APBB2: variants seen among roughly 807,000 people sequenced by gnomAD.
The protein encoded by APBB2 is Fe65-like 1.
In APBB2, 38 loss-of-function variants were observed where a neutral mutation model predicts 82.5. That is an observed-to-expected ratio of 0.46 (90% CI 0.36 to 0.60). The LOEUF (loss-of-function observed/expected upper bound fraction) is 0.60, where lower values mean the gene tolerates loss of function less well. Ranked by LOEUF, APBB2 falls within the 20% of genes least tolerant of loss-of-function variation. The pLI, the probability that APBB2 is intolerant of heterozygous loss-of-function variation, is 0.00. For missense variants in APBB2, 772 were observed against 972.3 expected, an observed-to-expected ratio of 0.79 and a Z score of 2.74; for synonymous variants, 341 against 368.2, an observed-to-expected ratio of 0.93 and a Z score of 0.85.
At position 40,960,447 on chromosome 4, in the gene APBB2, G is replaced by GTTT. The variant is rs34445427; in HGVS notation, c.836-15377_836-15375dup. ...ATCAAAAACAGAAATTTTTTTTCGG[G>GTTT]TTTTTTTTTTTTTTTTTTGAGACGG... On this transcript the variant is annotated intron_variant, in intron 6 of 17. Transcript: ENST00000508593. Among the ~76,000 whole-genome samples the GTTT allele has an allele frequency of 3.2e-4, 45 of 138,980 alleles. 2 individuals carry two copies. The highest frequency in any genetic ancestry group is 1.0e-3 in the African/African-American group (40 of 38,218). 91.2% of individuals were successfully genotyped at this position (138,980 alleles called of 152,430 possible).
intron 3 of APBB2, among the ~76,000 whole-genome samples, chr4:41,086,034 G>T (rs140753045): frequency 6.6e-6 from 1 of 152,190 alleles, no homozygotes; most frequent in Non-Finnish European, 1.5e-5. Flanking sequence ...CAATCAAAAG[G>T]ATTATAGGAG....
At chr4:41,190,241 ATTTTTTTTTTTTTT>A (rs1160837303) in intron 1 of APBB2, among the ~76,000 whole-genome samples, 2 of 71,810 alleles carry the variant, frequency 2.8e-5, no homozygotes, top group African/African-American at 1.1e-4. Context: ...TACATAGGCT[ATTTTTTTTTTTTTT>A]TTTTTTTTTT....
chr4:40,949,650 G>T (rs1025990794), intron 6 of APBB2, among the ~76,000 whole-genome samples: 1 of 152,004 alleles, frequency 6.6e-6, no homozygotes, highest in African/African-American at 2.4e-5. Context: ...AACACCAGGC[G>T]ATTTGAGGAG....
At chr4:40,853,425 G>A (rs1170767153) in intron 12 of APBB2, among the ~76,000 whole-genome samples, 3 of 151,418 alleles carry the variant, frequency 2.0e-5, no homozygotes, top group Non-Finnish European at 2.9e-5. Flanking sequence ...CCTCAGGCAC[G>A]TTGAGTGCTC....
intron 4 of APBB2, among the ~76,000 whole-genome samples, chr4:41,055,811 G>A (rs1241734857): frequency 6.6e-6 from 1 of 152,226 alleles, no homozygotes; most frequent in Non-Finnish European, 1.5e-5. Context: ...TTGCATCTAT[G>A]TAACAGAGTT....
intron 2 of APBB2, among the ~76,000 whole-genome samples, chr4:41,136,981 C>T (rs930906454): frequency 1.3e-5 from 2 of 152,122 alleles, no homozygotes; most frequent in Admixed American, 6.6e-5. Context: ...GCAATCTTCA[C>T]ATTTCTAATA....
intron 1 of APBB2, among the ~76,000 whole-genome samples, chr4:41,211,850 T>C (rs756768475): frequency 2.0e-5 from 3 of 152,220 alleles, no homozygotes; most frequent in South Asian, 2.1e-4. Context: ...TTTCTTATTT[T>C]TTCCTTCAAC....
rs1212041660 is a variant in APBB2, at chr4:40,814,523, A to G, written c.*1569T>C. 6.6e-6 allele frequency: 1 copy of G among 152,166 alleles called. No individual in the cohort carries two copies. The highest frequency in any genetic ancestry group is 1.5e-5 in the Non-Finnish European group (1 of 68,036). The allele number at this position is 152,166 out of a possible 1,614,324, so 9.4% of individuals were successfully genotyped here. ...CTCGGTACTTCATATTTTTACTTCTAAAGTGTATTTAGTACCTTCTCTACC... is the reference window on the plus strand; with the variant it reads ...CTCGGTACTTCATATTTTTACTTCTGAAGTGTATTTAGTACCTTCTCTACC... On this transcript the variant is annotated 3_prime_UTR_variant, in exon 18 of 18. Transcript: ENST00000508593.
intron 2 of APBB2, among the ~76,000 whole-genome samples, chr4:41,134,435 T>C (rs982764362): frequency 1.3e-5 from 2 of 152,196 alleles, no homozygotes; most frequent in Admixed American, 1.3e-4. Context: ...AAAAAAACAA[T>C]TAGCCAGGCA....
intron 3 of APBB2, among the ~76,000 whole-genome samples, chr4:41,078,951 C>T (rs1292126911): frequency 6.6e-6 from 1 of 152,148 alleles, no homozygotes; most frequent in Non-Finnish European, 1.5e-5. Flanking sequence ...CCAAGGCTTG[C>T]ACATGACTTA....
Position 40,881,203 on chromosome 4 carries a change from G to T in APBB2, c.1529+9161C>A, listed in dbSNP as rs552255442. 5.2e-5 allele frequency: 51 copies of T among 985,360 alleles called. No homozygotes were observed. In the African/African-American group the frequency reaches 8.7e-4, roughly 17 times the overall value. 61.0% of individuals were successfully genotyped at this position (985,360 alleles called of 1,614,324 possible). On this transcript the variant is annotated intron_variant, in intron 12 of 17. Transcript: ENST00000508593. ...CATTAAAGAGAAATTAACTCCAGAG[G>T]TCAAGACAATACTATAGTGTAGGGA...
chr4:41,061,780 C>G (rs11931031), intron 4 of APBB2, among the ~76,000 whole-genome samples: 2 of 152,168 alleles, frequency 1.3e-5, no homozygotes, highest in African/African-American at 4.8e-5. Context: ...GCACCCTGTC[C>G]TGAAAGGAGA....
chr4:41,158,206 A>G (rs1416963667), intron 1 of APBB2, among the ~76,000 whole-genome samples: 1 of 152,146 alleles, frequency 6.6e-6, no homozygotes, highest in South Asian at 2.1e-4. Flanking sequence ...ATACCAACTA[A>G]CTCACAGGGC....
chr4:40,902,277 T>C (rs1344231055), intron 10 of APBB2, among the ~76,000 whole-genome samples: 2 of 152,194 alleles, frequency 1.3e-5, no homozygotes, highest in Non-Finnish European at 1.5e-5. Context: ...CAACACGTAT[T>C]GTATGTGTGT....
intron 12 of APBB2, among the ~76,000 whole-genome samples, chr4:40,881,874 C>T (rs924730640): frequency 6.6e-6 from 1 of 152,056 alleles, no homozygotes; most frequent in African/African-American, 2.4e-5. Flanking sequence ...TAAAACACTG[C>T]CCTTTATCAC....
chr4:41,057,899 G>C (rs894060059), intron 4 of APBB2, among the ~76,000 whole-genome samples: 2 of 152,168 alleles, frequency 1.3e-5, no homozygotes, highest in Admixed American at 6.5e-5. Context: ...TGTGCCTCCT[G>C]CCCTGAGGAC....
At chr4:41,042,083 T>C (rs1470416291) in intron 4 of APBB2, among the ~76,000 whole-genome samples, 2 of 152,126 alleles carry the variant, frequency 1.3e-5, no homozygotes, top group South Asian at 2.1e-4. Context: ...CTCCGCCTCC[T>C]GCATTCAACC....
chr4:41,195,850 T>C, intron 1 of APBB2, among the ~76,000 whole-genome samples: 2 of 152,106 alleles, frequency 1.3e-5, no homozygotes, highest in African/African-American at 2.4e-5. Context: ...CTCTTTCAAG[T>C]CCTCTCCTCG....
At chr4:41,082,661 T>A (rs1375009626) in intron 3 of APBB2, among the ~76,000 whole-genome samples, 2 of 151,128 alleles carry the variant, frequency 1.3e-5, no homozygotes, top group Non-Finnish European at 2.9e-5. Context: ...CAGCTTCAAA[T>A]CCCAGGGCTA....
Sources: gnomAD v4.1 joint callset for allele counts (sites outside exome capture counted in the v4.1 genomes callset) on GRCh38, gnomAD v4.1.1 for gene constraint, MANE v1.5 for transcripts, NCBI Gene and HGNC (gene_info 2026-07-23, HGNC 2026-07-21) for gene names.